The following CACNA2D1 variants were observed in gnomAD, a reference collection of about 807,000 sequenced individuals.
CACNA2D1 encodes calcium voltage-gated channel auxiliary subunit alpha2delta 1.
A neutral mutation model predicts 171.5 loss-of-function variants in CACNA2D1; 53 were observed. That is an observed-to-expected ratio of 0.31 (90% CI 0.25 to 0.39). The LOEUF (loss-of-function observed/expected upper bound fraction) is 0.39. CACNA2D1 is among the 10% of genes least tolerant of loss of function. The pLI, the probability that CACNA2D1 is intolerant of heterozygous loss-of-function variation, is 1.00. For synonymous variants in CACNA2D1, 442 were observed against 443.1 expected (o/e 1.00, Z 0.03); for missense variants, 903 against 1,299.8 (o/e 0.69, Z 4.69).
At chr7:82,323,462 CTA>C (rs771207696) in intron 3 of CACNA2D1, among the ~76,000 whole-genome samples, 34 of 152,150 alleles carry the variant, frequency 2.2e-4, no homozygotes, top group Admixed American at 5.2e-4. Flanking sequence ...CACTAACGAC[CTA>C]TGCGCAGGAC....
At chr7:82,390,457 T>G (rs1229612558) in intron 1 of CACNA2D1, among the ~76,000 whole-genome samples, 2 of 151,898 alleles carry the variant, frequency 1.3e-5, no homozygotes, top group African/African-American at 4.8e-5. Flanking sequence ...AAACCTGGAG[T>G]TGAAATAGGG....
chr7:82,399,729 C>T (rs1029691047), intron 1 of CACNA2D1, among the ~76,000 whole-genome samples: 20 of 141,128 alleles, frequency 1.4e-4, no homozygotes, highest in African/African-American at 3.7e-4. Context: ...CACACACCTT[C>T]GTTCTTTCAA....
intron 6 of CACNA2D1, among the ~76,000 whole-genome samples, chr7:82,111,305 TATATATATAC>T (rs201966020): frequency 0.14 from 20,383 of 141,982 alleles, 1,609 homozygotes; most frequent in South Asian, 0.19. Context: ...TATATATATA[TATATATATAC>T]GTGTATATAC....
chr7:82,401,370 G>A (rs567835828), intron 1 of CACNA2D1, among the ~76,000 whole-genome samples: 1 of 150,238 alleles, frequency 6.7e-6, no homozygotes, highest in Non-Finnish European at 1.5e-5. Flanking sequence ...GGAATACTAT[G>A]CAGCCATAAA....
In CACNA2D1 at chr7:82,111,396, A is replaced by G. The variant is rs1278719431; in HGVS notation, c.526+5648T>C. On this transcript the variant is annotated intron_variant, in intron 6 of 38. Transcript: ENST00000356860. ...TATATTCATATATGTGTATATATGT[A>G]TATATATATTCATATATGTGTATAT... Among the ~76,000 whole-genome samples, 253 of 86,556 alleles carry G rather than the reference A, an allele frequency of 2.9e-3. 2 individuals are homozygous for G. Among genetic ancestry groups the G allele is most frequent in the African/African-American group, 9.0e-3 (232 of 25,676 alleles). 56.8% of individuals were successfully genotyped at this position (86,556 alleles called of 152,430 possible).
At chr7:82,389,793 A>C (rs1288573684) in intron 1 of CACNA2D1, among the ~76,000 whole-genome samples, 1 of 152,208 alleles carries the variant, frequency 6.6e-6, no homozygotes, top group Non-Finnish European at 1.5e-5. Context: ...ATAAACTTAA[A>C]ATAACTGAGC....
intron 5 of CACNA2D1, 106 bp from the exon 6 acceptor site, chr7:82,117,279 A>G (rs1789173927): frequency 9.0e-7 from 1 of 1,108,966 alleles, no homozygotes; most frequent in South Asian, 1.3e-5. Context: ...AAATAAATCT[A>G]CAACAATTGT....
chr7:81,950,405 T>A lies in CACNA2D1; in HGVS notation c.3263A>T (p.His1088Leu). The A allele has an allele frequency of 6.2e-7, 1 of 1,613,206 alleles. No individual in the cohort carries two copies. The highest frequency in any genetic ancestry group is 8.5e-7 in the Non-Finnish European group (1 of 1,179,512). Residue 1088 changes from histidine (H) to leucine (L), a missense_variant, in exon 39 of 39, where the codon CAC (histidine) becomes CTC (leucine). His to Leu is a moderately conservative substitution (Grantham distance 99). Coordinates refer to ENST00000356860, the MANE Select transcript of CACNA2D1 (RefSeq NM_000722.4). ...GTTTTTAGAAGGTCATAACAGGCGG[T>A]GTGTGCTGCCAGATACCAGCCAAAG... The part of the protein sequence containing the change: ...LLLWLVSGST[H>L]RLL
chr7:81,974,678 G>A (rs943794037), intron 24 of CACNA2D1, 126 bp from the exon 25 acceptor site: 100 of 603,540 alleles, frequency 1.7e-4, no homozygotes, highest in Non-Finnish European at 2.8e-4. Context: ...TGAGCTTCTT[G>A]TTACTTCCAT....
chr7:82,055,888 A>T (rs1029743037), intron 10 of CACNA2D1, among the ~76,000 whole-genome samples: 1 of 146,832 alleles, frequency 6.8e-6, no homozygotes, highest in African/African-American at 2.5e-5. Flanking sequence ...CATTGTGCCC[A>T]TGTACCCTAG....
intron 3 of CACNA2D1, among the ~76,000 whole-genome samples, chr7:82,188,813 T>C (rs1411097431): frequency 6.6e-6 from 1 of 152,122 alleles, no homozygotes; most frequent in Non-Finnish European, 1.5e-5. Context: ...GTGGTACATG[T>C]ATATCTTGGA....
chr7:82,410,427 C>T, intron 1 of CACNA2D1: 1 of 686,812 alleles, frequency 1.5e-6, no homozygotes. Context: ...GCTATCTATC[C>T]AACATCTTTC....
At chr7:82,279,603 T>G (rs986824723) in intron 3 of CACNA2D1, among the ~76,000 whole-genome samples, 1 of 152,214 alleles carries the variant, frequency 6.6e-6, no homozygotes, top group Non-Finnish European at 1.5e-5. Flanking sequence ...TGTATAGGAC[T>G]AAAACTAAAC....
chr7:82,101,171 G>C (rs1812631705), intron 6 of CACNA2D1, among the ~76,000 whole-genome samples: 1 of 152,034 alleles, frequency 6.6e-6, no homozygotes, highest in Non-Finnish European at 1.5e-5. Context: ...AAAATCTAAA[G>C]AAGAAAACAA....
intron 1 of CACNA2D1, among the ~76,000 whole-genome samples, chr7:82,418,412 C>T (rs575209097): frequency 1.1e-4 from 16 of 152,036 alleles, no homozygotes; most frequent in African/African-American, 3.9e-4. Flanking sequence ...TCATTAATGC[C>T]AATCAACTAA....
intron 6 of CACNA2D1, among the ~76,000 whole-genome samples, chr7:82,109,108 T>C (rs960353653): frequency 2.1e-4 from 32 of 152,184 alleles, no homozygotes; most frequent in African/African-American, 7.7e-4. Context: ...ACTCTGCTAA[T>C]ATCAGAACCA....
rs981523597 is a variant in CACNA2D1, at chr7:82,012,024, A to C, written c.1362+130T>G. ...TAAATTATATAAATTCTAGGAAAGA[A>C]GTCTGTGATAGAAGAAATTTTGGGG... is the stretch of plus-strand genomic sequence containing the variant. On this transcript the variant is annotated intron_variant, in intron 15 of 38. Transcript: ENST00000356860. 132 of 695,780 alleles carry C rather than the reference A, an allele frequency of 1.9e-4. No individual in the cohort carries two copies. The Admixed American group carries it at 2.6e-3, about 14-fold the overall frequency. The allele number at this position is 695,780 out of a possible 1,614,324, so 43.1% of individuals were successfully genotyped here.
intron 4 of CACNA2D1, among the ~76,000 whole-genome samples, chr7:82,156,376 C>G (rs534050424): frequency 2.0e-5 from 3 of 152,098 alleles, no homozygotes; most frequent in Non-Finnish European, 4.4e-5. Flanking sequence ...GCCACAAATA[C>G]GGCTCCAAGG....
chr7:82,258,259 AT>A (rs1488102346), intron 3 of CACNA2D1, among the ~76,000 whole-genome samples: 1 of 151,956 alleles, frequency 6.6e-6, no homozygotes, highest in African/African-American at 2.4e-5. Context: ...TCCTTTATAA[AT>A]TACAGTTCTC....
Sources: gnomAD v4.1 joint callset for allele counts (sites outside exome capture counted in the v4.1 genomes callset) on GRCh38, gnomAD v4.1.1 for gene constraint, MANE v1.5 for transcripts, NCBI Gene and HGNC (gene_info 2026-07-23, HGNC 2026-07-21) for gene names.